DEFB121: variants seen among roughly 807,000 people sequenced by gnomAD.
DEFB121 encodes defensin beta 121.
Under a neutral mutation model 2.5 loss-of-function variants are expected in DEFB121, and 5 were observed. The observed-to-expected ratio is 1.96, with a 90% CI of 1.03 to 4.13. The LOEUF is 4.13. Ranked by LOEUF, DEFB121 falls within the 30% of genes most tolerant of loss-of-function variation. The pLI is 0.00. For synonymous variants in DEFB121, 39 were observed against 32.6 expected (o/e 1.20, Z -0.67); for missense variants, 87 against 85.0 (o/e 1.02, Z -0.09).
upstream of DEFB121, among the ~76,000 whole-genome samples, chr20:31,410,028 T>C (rs372093745): frequency 2.0e-5 from 3 of 152,190 alleles, no homozygotes; most frequent in East Asian, 3.8e-4. Context: ...TTATGTTTTA[T>C]ATAAATTATA....
At chr20:31,413,337 G>A (rs1186212307), upstream of DEFB121, among the ~76,000 whole-genome samples, 1 of 152,186 alleles carries the variant, frequency 6.6e-6, no homozygotes, top group Non-Finnish European at 1.5e-5. Context: ...ATCAAATCTT[G>A]ATTAAGTACC....
the DEFB121 span, among the ~76,000 whole-genome samples, chr20:31,418,031 C>T: frequency 6.6e-6 from 1 of 150,448 alleles, no homozygotes; most frequent in South Asian, 2.1e-4. Context: ...GAGGCCGAGG[C>T]GGGCGGATCA....
upstream of DEFB121, among the ~76,000 whole-genome samples, chr20:31,410,607 A>G (rs1978632804): frequency 6.6e-6 from 1 of 152,144 alleles, no homozygotes; most frequent in Non-Finnish European, 1.5e-5. Context: ...CAGAGGACTA[A>G]AATAAAGTGC....
At chr20:31,407,082 CA>C (rs933137898), upstream of DEFB121, among the ~76,000 whole-genome samples, 6 of 150,570 alleles carry the variant, frequency 4.0e-5, no homozygotes, top group African/African-American at 1.2e-4. Flanking sequence ...CCCGTCTCTA[CA>C]AAAAAAAATA....
chr20:31,414,968 G>C (rs1297668830), upstream of DEFB121, among the ~76,000 whole-genome samples: 1 of 152,190 alleles, frequency 6.6e-6, no homozygotes, highest in Non-Finnish European at 1.5e-5. Flanking sequence ...GTGGTGCTGA[G>C]ATGGGAGAGG....
In DEFB121 at chr20:31,404,921, C is replaced by A. The variant is rs755658400; in HGVS notation, c.223G>T (p.Ala75Ser). The A allele has an allele frequency of 6.2e-7, 1 of 1,613,888 alleles. No individual in the cohort carries two copies. The highest frequency in any genetic ancestry group is 8.5e-7 in the Non-Finnish European group (1 of 1,179,980). Residue 75 changes from alanine (A) to serine (S), a missense_variant, in exon 2 of 2, where the codon GCA becomes TCA. Ala to Ser is a moderately conservative substitution (Grantham distance 99, BLOSUM62 1). Transcript: ENST00000376314. The part of the protein sequence containing the change: ...DTNTSLESTS[A>S]V The stretch of plus-strand genomic sequence containing the variant: ...AGGTTGGAAGAGAGGTGTCAGACTG[C>A]AGAAGTTGATTCCAGGCTTGTATTT...
upstream of DEFB121, among the ~76,000 whole-genome samples, chr20:31,414,392 T>A (rs1415884477): frequency 1.3e-5 from 2 of 152,204 alleles, no homozygotes; most frequent in Admixed American, 1.3e-4. Flanking sequence ...TGAAGAGATA[T>A]CTGCACACCC....
exon 1 of DEFB121, chr20:31,412,678 C>T (rs1978697347): frequency 3.1e-6 from 4 of 1,290,908 alleles, no homozygotes; most frequent in Non-Finnish European, 4.0e-6. Context: ...TGAGGCTCTT[C>T]TGGCTTTTCA....
chr20:31,408,127 G>A (rs1978545102), upstream of DEFB121, among the ~76,000 whole-genome samples: 1 of 152,132 alleles, frequency 6.6e-6, no homozygotes, highest in Non-Finnish European at 1.5e-5. Context: ...ACTAATAAGA[G>A]GAATATCTTC....
chr20:31,413,470 T>A (rs1978717374), upstream of DEFB121, among the ~76,000 whole-genome samples: 2 of 152,166 alleles, frequency 1.3e-5, no homozygotes, highest in Admixed American at 1.3e-4. Flanking sequence ...AAGAAGAATC[T>A]TGGTGGCTTC....
At chr20:31,416,928 T>C (rs1401560336), upstream of DEFB121, among the ~76,000 whole-genome samples, 1 of 152,324 alleles carries the variant, frequency 6.6e-6, no homozygotes, top group East Asian at 1.9e-4. Context: ...CAGTATACTC[T>C]GTTTATCTGA....
chr20:31,405,916 A>G (rs1978460858), intron 1 of DEFB121, among the ~76,000 whole-genome samples, 179 bp downstream of exon 1: 2 of 152,102 alleles, frequency 1.3e-5, no homozygotes, highest in African/African-American at 4.8e-5. Context: ...AGTACTGGGC[A>G]CTGGGAAGAC....
upstream of DEFB121, among the ~76,000 whole-genome samples, chr20:31,414,966 G>A (rs1346578610): frequency 6.6e-6 from 1 of 152,156 alleles, no homozygotes; most frequent in Non-Finnish European, 1.5e-5. Flanking sequence ...AGGTGGTGCT[G>A]AGATGGGAGA....
upstream of DEFB121, among the ~76,000 whole-genome samples, chr20:31,408,288 CAA>C (rs1182429636): frequency 1.3e-5 from 2 of 151,930 alleles, no homozygotes; most frequent in Non-Finnish European, 2.9e-5. Context: ...TACACACACA[CAA>C]AAAAAGTTTT....
At chr20:31,412,693 C>T (rs1465471136) in exon 1 of DEFB121, 23 of 1,289,192 alleles carry the variant, frequency 1.8e-5, no homozygotes, top group Non-Finnish European at 2.3e-5. Flanking sequence ...TTTTCATTGT[C>T]AACACAGTCA....
At chr20:31,418,032 G>A in the DEFB121 span, among the ~76,000 whole-genome samples, 1 of 150,886 alleles carries the variant, frequency 6.6e-6, no homozygotes. Flanking sequence ...AGGCCGAGGC[G>A]GGCGGATCAC....
At chr20:31,405,430 G>A (rs1015768989) in intron 1 of DEFB121, among the ~76,000 whole-genome samples, 1 of 152,150 alleles carries the variant, frequency 6.6e-6, no homozygotes, top group African/African-American at 2.4e-5. Context: ...GTGCCCAGTA[G>A]CAATTAGCCA....
upstream of DEFB121, among the ~76,000 whole-genome samples, chr20:31,407,065 G>C (rs1204772611): frequency 6.6e-6 from 1 of 152,026 alleles, no homozygotes; most frequent in Non-Finnish European, 1.5e-5. Flanking sequence ...GGCTAACTCA[G>C]TGAAACCCCG....
upstream of DEFB121, among the ~76,000 whole-genome samples, chr20:31,410,400 C>G (rs1403058393): frequency 6.6e-6 from 1 of 152,124 alleles, no homozygotes; most frequent in African/African-American, 2.4e-5. Flanking sequence ...GAAAAACTAC[C>G]TATTATATAC....
Sources: allele counts gnomAD v4.1 joint callset (sites outside exome capture counted in the v4.1 genomes callset), GRCh38; gene constraint gnomAD v4.1.1; transcripts MANE v1.5; gene names NCBI Gene and HGNC (gene_info 2026-07-23, HGNC 2026-07-21).